Variants in PCNX2 observed in about 807,000 individuals in gnomAD.
PCNX2 encodes the protein pecanex 2.
PCNX2 carries 168 observed loss-of-function variants against 223.8 expected under a neutral mutation model. The observed-to-expected ratio is 0.75, with a 90% confidence interval of 0.66 to 0.85. PCNX2 has a LOEUF of 0.85. Among genes scored for constraint, PCNX2 ranks in the 40% least tolerant of loss-of-function variants. The pLI, the probability that PCNX2 is intolerant of heterozygous loss-of-function variation, is 0.00. For synonymous variants in PCNX2, 1,006 were observed against 1,052.6 expected (o/e 0.96, Z 0.86); for missense variants, 2,507 against 2,675.5 (o/e 0.94, Z 1.39).
At chr1:233,229,437 A>C (rs994158582) in intron 9 of PCNX2, among the ~76,000 whole-genome samples, 35 of 152,196 alleles carry the variant, frequency 2.3e-4, no homozygotes, top group African/African-American at 8.4e-4. Flanking sequence ...GCTTCTTTGC[A>C]TGATGATGAA....
At chr1:233,134,259 A>C (rs1261590507) in intron 21 of PCNX2, among the ~76,000 whole-genome samples, 3 of 152,112 alleles carry the variant, frequency 2.0e-5, no homozygotes, top group Non-Finnish European at 4.4e-5. Flanking sequence ...ATTTCTTTCT[A>C]TTTCTGCTTA....
At chr1:233,079,769 C>T (rs6683352) in intron 23 of PCNX2, among the ~76,000 whole-genome samples, 31,481 of 151,942 alleles carry the variant, frequency 0.21, 5,223 homozygotes, top group African/African-American at 0.46. Flanking sequence ...CCTTTGTGTT[C>T]GCTGTGTCCT....
chr1:233,200,214 T>G lies in PCNX2; in HGVS notation c.2914A>C (p.Ile972Leu). ...AAAAGATAAGTGCAGAAAGTGTTGA[T>G]TTGCGGGAAGAGCCCAAGGAGGGAA... Reference protein sequence around the residue: ...AISLLGLFPQINTFCTYLLEQ... With the variant: ...AISLLGLFPQLNTFCTYLLEQ... The change falls in exon 14 of 34, where the codon ATC becomes CTC. Residue 972 changes from isoleucine to leucine, a missense_variant. Coordinates refer to ENST00000258229, the MANE Select transcript of PCNX2 (RefSeq NM_014801.4). The G allele has an allele frequency of 1.3e-6, 2 of 1,594,744 alleles. No homozygotes were observed. The highest frequency in any genetic ancestry group is 2.3e-5 in the South Asian group (2 of 87,312).
Position 233,233,065 on chromosome 1 carries a change from C to A in PCNX2, c.2358+3780G>T, listed in dbSNP as rs904091218. On this transcript the variant is annotated intron_variant, in intron 9 of 33. Transcript: ENST00000258229. ...TCCTATGCTGCCCTTGGGTAGACTGCACCTGCCTCTCAACCAGCAGTGTAA... is the reference window on the plus strand; with the variant it reads ...TCCTATGCTGCCCTTGGGTAGACTGAACCTGCCTCTCAACCAGCAGTGTAA... The A allele has an allele frequency of 6.2e-6, 6 of 973,218 alleles. No homozygotes were observed. In the African/African-American group the frequency reaches 1.1e-4, roughly 17 times the overall value. 60.3% of individuals were successfully genotyped at this position (973,218 alleles called of 1,614,324 possible). A position where few individuals can be genotyped will look rare whatever the true frequency, so the allele number is the denominator to read the frequency against.
chr1:233,295,586 G>A lies in PCNX2; in HGVS notation c.-108C>T. On this transcript the variant is annotated 5_prime_UTR_variant, in exon 1 of 34. Coordinates refer to ENST00000258229, the MANE Select transcript of PCNX2 (RefSeq NM_014801.4). The surrounding 1 kb of genome is among the most constrained non-coding windows in gnomAD (Gnocchi z 4.1). ...ACCCGGGCCCGCGGGCCGCGCCCCC[G>A]CCGTCGCCGCCGCCGTCGCCCCCGC... The A allele has an allele frequency of 8.6e-7, 1 of 1,166,942 alleles. No individual in the cohort carries two copies. The highest frequency in any genetic ancestry group is 1.1e-6 in the Non-Finnish European group (1 of 916,090). 72.3% of individuals were successfully genotyped at this position (1,166,942 alleles called of 1,614,324 possible).
At chr1:233,131,386 GA>G (rs1229868701) in intron 21 of PCNX2, among the ~76,000 whole-genome samples, 12 of 149,432 alleles carry the variant, frequency 8.0e-5, no homozygotes, top group African/African-American at 2.2e-4. Flanking sequence ...TTTTTTTTTT[GA>G]AAAAAAATAT....
At chr1:233,324,080 C>T in the PCNX2 span, among the ~76,000 whole-genome samples, 1 of 152,210 alleles carries the variant, frequency 6.6e-6, no homozygotes, top group Non-Finnish European at 1.5e-5. Context: ...AAGCCAGCTA[C>T]AACATTCCCT....
intron 8 of PCNX2, among the ~76,000 whole-genome samples, chr1:233,239,588 C>G (rs777084073): frequency 6.6e-6 from 1 of 152,176 alleles, no homozygotes; most frequent in Non-Finnish European, 1.5e-5. Flanking sequence ...AGCATGTTGT[C>G]TTCCTACCTT....
intron 22 of PCNX2, among the ~76,000 whole-genome samples, chr1:233,095,016 A>T (rs1674074417): frequency 6.6e-6 from 1 of 152,178 alleles, no homozygotes; most frequent in Non-Finnish European, 1.5e-5. Context: ...AAAACCTTTG[A>T]GGACATATTT....
At chr1:233,055,552 AT>A (rs1467140631) in intron 24 of PCNX2, among the ~76,000 whole-genome samples, 1 of 152,076 alleles carries the variant, frequency 6.6e-6, no homozygotes, top group Non-Finnish European at 1.5e-5. Flanking sequence ...TAAAGAGAAG[AT>A]TGGATAACAT....
intron 21 of PCNX2, among the ~76,000 whole-genome samples, chr1:233,117,040 C>T (rs1675454159): frequency 6.6e-6 from 1 of 152,000 alleles, no homozygotes; most frequent in African/African-American, 2.4e-5. Flanking sequence ...GTAAATTTGT[C>T]AATTTAGAAG....
At chr1:232,985,988 T>C (rs1481370755) in intron 33 of PCNX2, 104 bp downstream of exon 33, 1 of 1,268,752 alleles carries the variant, frequency 7.9e-7, no homozygotes, top group Non-Finnish European at 1.1e-6. Context: ...GGGGATGGGG[T>C]TCTGCAGGCA....
chr1:233,200,590 C>A (rs1326933435), intron 13 of PCNX2, among the ~76,000 whole-genome samples: 1 of 151,810 alleles, frequency 6.6e-6, no homozygotes, highest in Non-Finnish European at 1.5e-5. Flanking sequence ...AAGGAACGCA[C>A]ACAAGGCCAG....
At chr1:233,300,743 C>A in the PCNX2 span, among the ~76,000 whole-genome samples, 1,619 of 152,262 alleles carry the variant, frequency 0.011, 27 homozygotes, top group African/African-American at 0.036. Flanking sequence ...AAAGAGCAGA[C>A]CCTCATGAGC....
chr1:233,164,178 G>A lies in PCNX2; in HGVS notation c.3274-2815C>T, dbSNP rs1164815874. Among the ~76,000 whole-genome samples, 140 of 152,138 alleles carry A rather than the reference G, an allele frequency of 9.2e-4. 1 individual carries two copies. Among genetic ancestry groups the A allele is most frequent in the Non-Finnish European group, 2.6e-4 (18 of 67,960 alleles). On this transcript the variant is annotated intron_variant, in intron 17 of 33. Transcript: ENST00000258229. ...ATTTCTCAAAAGAAGACATACAAACGGCCAAAAAATATTTTAAAATGTGCA... is the reference window on the plus strand; with the variant it reads ...ATTTCTCAAAAGAAGACATACAAACAGCCAAAAAATATTTTAAAATGTGCA...
the PCNX2 span, among the ~76,000 whole-genome samples, chr1:233,317,676 A>G: frequency 6.6e-6 from 1 of 151,900 alleles, no homozygotes; most frequent in African/African-American, 2.4e-5. Flanking sequence ...GGGCGGGGGG[A>G]GAAGGGATAA....
chr1:233,281,515 A>G (rs553127857), intron 1 of PCNX2, among the ~76,000 whole-genome samples: 1 of 152,354 alleles, frequency 6.6e-6, no homozygotes, highest in East Asian at 1.9e-4. Context: ...CAGTAACAAG[A>G]AATGAGGTAA....
In PCNX2 at chr1:233,090,120, C is replaced by G; in HGVS notation, c.4017G>C (p.Gly1339=). Residue 1339 remains glycine, a synonymous_variant, in exon 23 of 34, where the codon GGG becomes GGC. Transcript: ENST00000258229. ...CATATGATGTGATGAAAATGACACTCCCAAGAAATGGGCTCAATGGGGTAG... is the reference window on the plus strand; with the variant it reads ...CATATGATGTGATGAAAATGACACTGCCAAGAAATGGGCTCAATGGGGTAG... ...IFSTPLSPFL[G]SVIFITSYVR... 6.2e-7 allele frequency: 1 copy of G among 1,613,838 alleles called. No homozygotes were observed. Among genetic ancestry groups the G allele is most frequent in the Non-Finnish European group, 8.5e-7 (1 of 1,179,828 alleles).
chr1:233,246,296 C>T (rs967130564), intron 8 of PCNX2, among the ~76,000 whole-genome samples: 1 of 152,122 alleles, frequency 6.6e-6, no homozygotes, highest in African/African-American at 2.4e-5. Flanking sequence ...TGATTTACTG[C>T]AGTCATCACC....
Sources: gnomAD v4.1 joint callset for allele counts (sites outside exome capture counted in the v4.1 genomes callset) on GRCh38, gnomAD v4.1.1 for gene constraint, Gnocchi (gnomAD v3.1) non-coding constraint, MANE v1.5 for transcripts, NCBI Gene and HGNC (gene_info 2026-07-23, HGNC 2026-07-21) for gene names.